The following C8orf34 variants were observed in gnomAD, a reference collection of about 807,000 sequenced individuals.
The protein encoded by C8orf34 is uncharacterized protein C8orf34.
C8orf34 carries 65 observed loss-of-function variants against 68.3 expected under a neutral mutation model. The observed-to-expected ratio is 0.95, with a 90% CI of 0.78 to 1.17. The LOEUF is 1.17. Ranked by LOEUF, C8orf34 falls within the 50% of genes most tolerant of loss-of-function variation. The pLI, the probability that C8orf34 is intolerant of heterozygous loss-of-function variation, is 0.00. For synonymous variants in C8orf34, 244 were observed against 241.2 expected (o/e 1.01, Z -0.11); for missense variants, 664 against 655.4 (o/e 1.01, Z -0.14).
intron 1 of C8orf34, among the ~76,000 whole-genome samples, chr8:68,381,912 A>G (rs572421522): frequency 6.6e-6 from 1 of 152,314 alleles, no homozygotes; most frequent in East Asian, 1.9e-4. Context: ...TCCTTCATAG[A>G]CATAACTTTT....
At chr8:68,816,104 G>A (rs1824805361) in intron 13 of C8orf34, among the ~76,000 whole-genome samples, 159 bp downstream of exon 13, 1 of 121,510 alleles carries the variant, frequency 8.2e-6, no homozygotes, top group Non-Finnish European at 1.7e-5. Flanking sequence ...GATTTCCTAA[G>A]AGTGTGTGTG....
At chr8:68,422,561 C>T (rs545398816) in intron 1 of C8orf34, among the ~76,000 whole-genome samples, 1 of 152,330 alleles carries the variant, frequency 6.6e-6, no homozygotes, top group African/African-American at 2.4e-5. Flanking sequence ...GCTGCTTTCA[C>T]AGGCTGGTGT....
At chr8:68,583,369 A>G (rs1321495792) in intron 7 of C8orf34, among the ~76,000 whole-genome samples, 1 of 152,154 alleles carries the variant, frequency 6.6e-6, no homozygotes, top group Non-Finnish European at 1.5e-5. Context: ...TAATATCTCC[A>G]CTTATACTGA....
At chr8:68,361,784 G>T (rs926925648) in intron 1 of C8orf34, among the ~76,000 whole-genome samples, 2 of 152,090 alleles carry the variant, frequency 1.3e-5, no homozygotes, top group Non-Finnish European at 2.9e-5. Flanking sequence ...CTGAGTACTT[G>T]TTGGGTGAAT....
intron 9 of C8orf34, among the ~76,000 whole-genome samples, chr8:68,715,895 G>T (rs957054625): frequency 6.6e-5 from 10 of 152,150 alleles, no homozygotes; most frequent in Non-Finnish European, 1.2e-4. Context: ...ATTTGCAATT[G>T]CAAAAATATG....
At chr8:68,780,197 T>G (rs1823636023) in intron 11 of C8orf34, among the ~76,000 whole-genome samples, 1 of 152,228 alleles carries the variant, frequency 6.6e-6, no homozygotes, top group Non-Finnish European at 1.5e-5. Flanking sequence ...GCTACCACTT[T>G]CTACAAATTC....
intron 9 of C8orf34, among the ~76,000 whole-genome samples, chr8:68,710,178 C>A (rs1024209057): frequency 1.3e-5 from 2 of 152,108 alleles, no homozygotes; most frequent in Admixed American, 6.5e-5. Context: ...AAACTCACAT[C>A]GTGAACTTTT....
intron 1 of C8orf34, among the ~76,000 whole-genome samples, chr8:68,359,082 A>G (rs1806873440): frequency 6.6e-6 from 1 of 152,240 alleles, no homozygotes; most frequent in African/African-American, 2.4e-5. Context: ...ATTAAAAAGG[A>G]GTAAACGTTT....
intron 1 of C8orf34, among the ~76,000 whole-genome samples, chr8:68,376,779 C>T (rs1206994247): frequency 6.6e-6 from 1 of 152,108 alleles, no homozygotes. Flanking sequence ...TATCCACTGA[C>T]ATTGAGTAGT....
intron 7 of C8orf34, among the ~76,000 whole-genome samples, chr8:68,627,658 T>A (rs915439096): frequency 2.6e-5 from 4 of 152,168 alleles, no homozygotes; most frequent in Middle Eastern, 3.2e-3. Context: ...TGGATTTGAA[T>A]TTGCTTGAAC....
intron 7 of C8orf34, among the ~76,000 whole-genome samples, chr8:68,596,013 T>G (rs1817537726): frequency 6.6e-6 from 1 of 152,162 alleles, no homozygotes; most frequent in Non-Finnish European, 1.5e-5. Flanking sequence ...AGATATCCAT[T>G]ATGATTATTG....
chr8:68,601,385 T>C (rs2380482), intron 7 of C8orf34, among the ~76,000 whole-genome samples: 87,802 of 151,628 alleles, frequency 0.58, 25,654 homozygotes, highest in African/African-American at 0.61. Flanking sequence ...GTGATTGTTC[T>C]ACATGTCCCT....
chr8:68,774,350 A>ATATATATATATAT lies in C8orf34; in HGVS notation c.1405-2049_1405-2048insTATATATATATAT, dbSNP rs1563661802. Among the ~76,000 whole-genome samples the ATATATATATATAT allele has an allele frequency of 1.2e-3, 135 of 109,502 alleles. 1 individual carries two copies. The highest frequency in any genetic ancestry group is 6.3e-3 in the African/African-American group (112 of 17,842). The allele number at this position is 109,502 out of a possible 152,430, so 71.8% of individuals were successfully genotyped here. A position where few individuals can be genotyped will look rare whatever the true frequency, so the allele number is the denominator to read the frequency against. On this transcript the variant is annotated intron_variant, in intron 10 of 13. Coordinates refer to ENST00000518698, the MANE Select transcript of C8orf34 (RefSeq NM_052958.4). ...GTGTGTGTATATATATATATATATA[A>ATATATATATATAT]AATAAACAAAAAAATAAACAGTTTA...
chr8:68,462,828 A>C (rs958152161), intron 3 of C8orf34, among the ~76,000 whole-genome samples: 1 of 152,194 alleles, frequency 6.6e-6, no homozygotes, highest in African/African-American at 2.4e-5. Flanking sequence ...AAATGCCCAC[A>C]AAAGAAAGCA....
intron 7 of C8orf34, among the ~76,000 whole-genome samples, chr8:68,603,018 A>C (rs1817744133): frequency 6.6e-6 from 1 of 152,130 alleles, no homozygotes; most frequent in Non-Finnish European, 1.5e-5. Context: ...TATAGCAGGC[A>C]ATAAGAAAAC....
chr8:68,612,140 C>A (rs1818041242), intron 7 of C8orf34, among the ~76,000 whole-genome samples: 2 of 151,690 alleles, frequency 1.3e-5, no homozygotes, highest in Admixed American at 1.3e-4. Context: ...CATCTCGTAT[C>A]ATTATCTGCA....
At position 68,759,959 on chromosome 8, in the gene C8orf34, G is replaced by A. The variant is rs556153580; in HGVS notation, c.1405-16440G>A. Among the ~76,000 whole-genome samples the A allele has an allele frequency of 2.0e-5, 3 of 152,308 alleles. No individual in the cohort carries two copies. In the South Asian group the frequency reaches 6.2e-4, roughly 32 times the overall value. ...CATTAAAGCACTTACAGTATGACAG[G>A]AAGGGCAGCTGAATGAACAGATGTT... On this transcript the variant is annotated intron_variant, in intron 10 of 13. Transcript: ENST00000518698.
intron 8 of C8orf34, among the ~76,000 whole-genome samples, chr8:68,648,754 T>C (rs1474464387): frequency 6.6e-6 from 1 of 152,240 alleles, no homozygotes; most frequent in African/African-American, 2.4e-5. Flanking sequence ...AATAGCTTGT[T>C]GTTTTTGAAC....
intron 3 of C8orf34, 95 bp from the exon 4 acceptor site, chr8:68,468,597 C>A: frequency 8.1e-7 from 1 of 1,230,698 alleles, no homozygotes; most frequent in Non-Finnish European, 1.1e-6. Context: ...TTATTCTATA[C>A]ATTGATCTTG....
Sources: gnomAD v4.1 joint callset for allele counts (sites outside exome capture counted in the v4.1 genomes callset) on GRCh38, gnomAD v4.1.1 for gene constraint, MANE v1.5 for transcripts, NCBI Gene and HGNC (gene_info 2026-07-23, HGNC 2026-07-21) for gene names.